Variants in CNOT4 observed in about 807,000 individuals in gnomAD.
The protein encoded by CNOT4 is CCR4-NOT transcription complex subunit 4, also known as CCR4-associated factor 4.
A neutral mutation model predicts 73.8 loss-of-function variants in CNOT4; 8 were observed. The observed-to-expected ratio is 0.11, with a 90% CI of 0.06 to 0.20. CNOT4 has a LOEUF of 0.20. Ranked by LOEUF, CNOT4 falls within the 10% of genes least tolerant of loss-of-function variation. The pLI is 1.00. For missense variants in CNOT4, 564 were observed against 883.4 expected (o/e 0.64, Z 4.58); for synonymous variants, 293 against 321.1 (o/e 0.91, Z 0.94).
At chr7:135,436,192 TA>T (rs1267027244) in intron 2 of CNOT4, among the ~76,000 whole-genome samples, 1 of 152,064 alleles carries the variant, frequency 6.6e-6, no homozygotes, top group African/African-American at 2.4e-5. Context: ...TAAAATCTTC[TA>T]TTTTTTTTTC....
At chr7:135,480,499 A>G (rs1802302172) in intron 1 of CNOT4, among the ~76,000 whole-genome samples, 2 of 152,242 alleles carry the variant, frequency 1.3e-5, no homozygotes, top group African/African-American at 2.4e-5. Context: ...TTCCCTTCAA[A>G]CCAGTGCCTA....
At chr7:135,413,927 A>G (rs1278367329) in intron 5 of CNOT4, among the ~76,000 whole-genome samples, 1 of 152,024 alleles carries the variant, frequency 6.6e-6, no homozygotes. Context: ...GACACATAAG[A>G]AGGCAAATTC....
Position 135,413,590 on chromosome 7 carries a change from G to A in CNOT4, c.585C>T (p.Tyr195=), listed in dbSNP as rs73725123. ...GCATATTCTTTAAGAAGTAACTGCA[G>A]TATTTTGTTGTACCTAGAGATGCCT... ...TLKASLGTTK[Y]CSYFLKNMQC... Residue 195 remains tyrosine (Y), a synonymous_variant, in exon 6 of 12, where the codon TAC becomes TAT. Transcript: ENST00000541284. 4.0e-5 allele frequency: 64 copies of A among 1,611,150 alleles called. No homozygotes were observed. In the African/African-American group the frequency reaches 6.0e-4, roughly 15 times the overall value.
chr7:135,430,182 G>A (rs1292636287), intron 2 of CNOT4, among the ~76,000 whole-genome samples: 1 of 152,202 alleles, frequency 6.6e-6, no homozygotes, highest in Non-Finnish European at 1.5e-5. Flanking sequence ...TATGTGGACA[G>A]TATTCCTTTG....
intron 10 of CNOT4, among the ~76,000 whole-genome samples, chr7:135,376,763 C>T (rs571536081): frequency 2.0e-5 from 3 of 152,146 alleles, no homozygotes; most frequent in African/African-American, 7.2e-5. Flanking sequence ...CTATCAGCAT[C>T]GAATTGTCTT....
intron 10 of CNOT4, among the ~76,000 whole-genome samples, chr7:135,370,106 A>G (rs575531223): frequency 1.3e-5 from 2 of 152,200 alleles, no homozygotes; most frequent in Non-Finnish European, 2.9e-5. Context: ...TTTACACTCA[A>G]ATTTCTACAA....
At chr7:135,446,379 C>A (rs1365585955) in intron 1 of CNOT4, among the ~76,000 whole-genome samples, 1 of 152,028 alleles carries the variant, frequency 6.6e-6, no homozygotes, top group Non-Finnish European at 1.5e-5. Context: ...CTTAATGCCA[C>A]TGAACTGTAC....
intron 1 of CNOT4, among the ~76,000 whole-genome samples, chr7:135,452,522 G>C (rs963728904): frequency 1.3e-5 from 2 of 151,958 alleles, no homozygotes; most frequent in Non-Finnish European, 2.9e-5. Flanking sequence ...GTGAGCTGAG[G>C]TCGTATCACT....
intron 10 of CNOT4, among the ~76,000 whole-genome samples, chr7:135,381,518 G>A (rs1165355313): frequency 6.6e-6 from 1 of 152,206 alleles, no homozygotes; most frequent in African/African-American, 2.4e-5. Context: ...TATACAAGTT[G>A]CTTGATTCAC....
chr7:135,464,781 T>C, intron 1 of CNOT4, among the ~76,000 whole-genome samples: 1 of 151,980 alleles, frequency 6.6e-6, no homozygotes, highest in East Asian at 1.9e-4. Flanking sequence ...AAAATAATTT[T>C]ATAATTCTAA....
At chr7:135,397,612 A>C (rs1006951350) in intron 8 of CNOT4, among the ~76,000 whole-genome samples, 31 of 151,902 alleles carry the variant, frequency 2.0e-4, no homozygotes, top group Non-Finnish European at 4.4e-4. Context: ...CTAGCCAAAA[A>C]AAAAAAAAAG....
intron 1 of CNOT4, among the ~76,000 whole-genome samples, chr7:135,446,849 A>G (rs942733002): frequency 2.6e-5 from 4 of 152,046 alleles, no homozygotes; most frequent in African/African-American, 9.7e-5. Flanking sequence ...AAAAAAAGAA[A>G]AAGAAAAAAA....
chr7:135,367,901 A>G (rs1795000579), intron 10 of CNOT4, among the ~76,000 whole-genome samples: 1 of 152,230 alleles, frequency 6.6e-6, no homozygotes, highest in African/African-American at 2.4e-5. Flanking sequence ...TAGTAATAGT[A>G]TAATACATCA....
chr7:135,468,657 G>A (rs1370310628), intron 1 of CNOT4, among the ~76,000 whole-genome samples: 1 of 144,176 alleles, frequency 6.9e-6, no homozygotes, highest in Non-Finnish European at 1.5e-5. Flanking sequence ...CTCCACTCTA[G>A]CCTGGGTGAC....
chr7:135,388,368 T>A, intron 10 of CNOT4: 1 of 984,560 alleles, frequency 1.0e-6, no homozygotes, highest in Non-Finnish European at 1.2e-6. Context: ...ATTCAAAGAA[T>A]GCAATAGACA....
At chr7:135,509,492 G>C (rs911567790) in intron 1 of CNOT4, 5 of 152,620 alleles carry the variant, frequency 3.3e-5, no homozygotes, top group African/African-American at 1.2e-4. Flanking sequence ...TGGGAGACGG[G>C]GGCCAGAGGG....
chr7:135,386,257 C>A (rs910292534), intron 10 of CNOT4: 11 of 151,120 alleles, frequency 7.3e-5, no homozygotes, highest in African/African-American at 2.4e-4. Flanking sequence ...TGTACATGCA[C>A]ACAAACCCAC....
At chr7:135,433,625 T>C (rs1367581693) in intron 2 of CNOT4, among the ~76,000 whole-genome samples, 1 of 152,098 alleles carries the variant, frequency 6.6e-6, no homozygotes, top group African/African-American at 2.4e-5. Flanking sequence ...CCCAAAATGT[T>C]GGGATTACAA....
chr7:135,413,737 T>C, intron 5 of CNOT4, 124 bp from the exon 6 acceptor site: 2 of 818,274 alleles, frequency 2.4e-6, no homozygotes, highest in Non-Finnish European at 3.7e-6. Flanking sequence ...AAACAAAAAG[T>C]ATGGCTGCAA....
Sources: allele counts gnomAD v4.1 joint callset (sites outside exome capture counted in the v4.1 genomes callset), GRCh38; gene constraint gnomAD v4.1.1; transcripts MANE v1.5; gene names NCBI Gene and HGNC (gene_info 2026-07-23, HGNC 2026-07-21).